PREPL: variants seen among roughly 807,000 people sequenced by gnomAD.
PREPL encodes prolyl endopeptidase-like.
In PREPL, 77 loss-of-function variants were observed where a neutral mutation model predicts 70.6. The observed-to-expected ratio is 1.09, with a 90% CI of 0.91 to 1.32. The LOEUF (loss-of-function observed/expected upper bound fraction) is 1.32. Ranked by LOEUF, PREPL falls within the 40% of genes most tolerant of loss-of-function variation. PREPL has a pLI of 0.00. For missense variants in PREPL, 1,002 were observed against 778.2 expected, an observed-to-expected ratio of 1.29 and a Z score of -3.42; for synonymous variants, 315 against 264.8, an observed-to-expected ratio of 1.19 and a Z score of -1.84.
intron 2 of PREPL, 96 bp downstream of exon 2, chr2:44,346,172 C>T (rs923947592): frequency 4.2e-6 from 5 of 1,196,960 alleles, no homozygotes; most frequent in Non-Finnish European, 4.7e-6. Flanking sequence ...GCAGTATAAT[C>T]TTGATGTGGA....
At chr2:44,344,608 T>A (rs1252786993) in intron 2 of PREPL, 22 bp from the exon 3 acceptor site, 4 of 1,539,736 alleles carry the variant, frequency 2.6e-6, no homozygotes, top group Non-Finnish European at 3.5e-6. Flanking sequence ...AACATGCAGT[T>A]TACTTAATAA....
At chr2:44,358,175 G>T (rs1426061067) in intron 1 of PREPL, among the ~76,000 whole-genome samples, 1 of 152,046 alleles carries the variant, frequency 6.6e-6, no homozygotes, top group Non-Finnish European at 1.5e-5. Context: ...TACAGGAATG[G>T]ATAAACAAAA....
At chr2:44,351,817 A>G (rs1676472897) in intron 1 of PREPL, among the ~76,000 whole-genome samples, 1 of 152,186 alleles carries the variant, frequency 6.6e-6, no homozygotes, top group African/African-American at 2.4e-5. Flanking sequence ...TCTATTTTCA[A>G]CAAAGGAGCT....
At chr2:44,348,313 T>C (rs1331336392) in intron 1 of PREPL, among the ~76,000 whole-genome samples, 2 of 152,222 alleles carry the variant, frequency 1.3e-5, no homozygotes, top group Non-Finnish European at 2.9e-5. Flanking sequence ...TGGTGAGACA[T>C]GATATCTGTA....
chr2:44,359,811 T>A, intron 1 of PREPL: 3 of 836,932 alleles, frequency 3.6e-6, no homozygotes, highest in Non-Finnish European at 5.8e-6. Flanking sequence ...TCAGAGTAAC[T>A]AAGATCAGCA....
At chr2:44,330,587 C>T (rs1673990442) in intron 8 of PREPL, among the ~76,000 whole-genome samples, 1 of 152,024 alleles carries the variant, frequency 6.6e-6, no homozygotes, top group Non-Finnish European at 1.5e-5. Context: ...GTTCAACAAG[C>T]ATGTATTGCT....
In PREPL at chr2:44,332,488, G is replaced by T; in HGVS notation, c.1057C>A (p.Arg353Ser). 1 of 1,614,028 alleles carries T rather than the reference G, an allele frequency of 6.2e-7. No individual in the cohort carries two copies. Among genetic ancestry groups the T allele is most frequent in the East Asian group, 2.2e-5 (1 of 44,854 alleles). ...GHEDPITKTS[R>S]VLRLEAKSKD... ...CTTTTGGCTTCTAGACGTAAAACGC[G>T]ACTAGTCTTTGTGATTGGGTCTTCA... Residue 353 changes from arginine (R) to serine (S), a missense_variant, in exon 8 of 14, where the codon CGC becomes AGC. By Grantham distance (110) the Arg-to-Ser change is moderately radical. Coordinates refer to ENST00000409411, the MANE Select transcript of PREPL (RefSeq NM_001171613.2).
rs1050113979 is a variant in PREPL at position 44,339,226 on chromosome 2, T to C, written c.623A>G (p.His208Arg). 6.8e-6 allele frequency: 11 copies of C among 1,613,976 alleles called. No homozygotes were observed. The African/African-American group carries it at 8.0e-5, about 12-fold the overall frequency. Residue 208 changes from histidine (H) to arginine (R), a missense_variant, in exon 6 of 14, where the codon CAT becomes CGT. His to Arg is a conservative substitution (Grantham distance 29). Coordinates refer to ENST00000409411, the MANE Select transcript of PREPL (RefSeq NM_001171613.2). ...DPPVLIQKRI[H>R]GVLYYVEHRD... ...GTGTTCAACATAGTAAAGGACCCCA[T>C]GTATTCGCTTCTGGATAAGTACTGG...
intron 7 of PREPL, among the ~76,000 whole-genome samples, chr2:44,334,588 C>A (rs547935679): frequency 3.9e-5 from 6 of 152,176 alleles, no homozygotes; most frequent in African/African-American, 1.4e-4. Context: ...CTCTTGCACC[C>A]AGGCTGGAAT....
chr2:44,343,890 G>T lies in PREPL; in HGVS notation c.204C>A (p.Phe68Leu). The change falls in exon 4 of 14, where the codon TTC (phenylalanine) becomes TTA (leucine). Residue 68 changes from phenylalanine (F) to leucine (L), a missense_variant. By Grantham distance (22) the Phe-to-Leu change is conservative. Transcript: ENST00000409411. Reference sequence around the variant, plus strand: ...CTGGAGCAACTCTGATACAATCAATGAAGGGCTGGTCTAACTTAAGTTCCT... The same window carrying T: ...CTGGAGCAACTCTGATACAATCAATTAAGGGCTGGTCTAACTTAAGTTCCT... ...NLEELKLDQP[F>L]IDCIRVAPDE... is the part of the protein sequence containing the mutation. 2 of 1,614,074 alleles carry T rather than the reference G, an allele frequency of 1.2e-6. No homozygotes were observed. Among genetic ancestry groups the T allele is most frequent in the Non-Finnish European group, 1.7e-6 (2 of 1,179,950 alleles).
intron 10 of PREPL, among the ~76,000 whole-genome samples, chr2:44,326,406 A>G (rs1673494335): frequency 6.9e-6 from 1 of 144,966 alleles, no homozygotes; most frequent in African/African-American, 2.6e-5. Flanking sequence ...TTTTTTGACA[A>G]TGTCTCACTC....
intron 1 of PREPL, among the ~76,000 whole-genome samples, 198 bp downstream of exon 1, chr2:44,361,182 G>A (rs1203026900): frequency 6.6e-6 from 1 of 152,206 alleles, no homozygotes; most frequent in Non-Finnish European, 1.5e-5. Flanking sequence ...GTTCTCAGGA[G>A]AACCTATTCG....
At chr2:44,359,460 A>T in intron 1 of PREPL, 1 of 1,392,074 alleles carries the variant, frequency 7.2e-7, no homozygotes, top group Non-Finnish European at 1.0e-6. Flanking sequence ...AATTAATCTT[A>T]ATGACCTACA....
At chr2:44,351,669 T>C (rs185438963) in intron 1 of PREPL, among the ~76,000 whole-genome samples, 1 of 152,326 alleles carries the variant, frequency 6.6e-6, no homozygotes, top group African/African-American at 2.4e-5. Flanking sequence ...ATCCTCTCAA[T>C]TCTACTTTCA....
intron 7 of PREPL, among the ~76,000 whole-genome samples, chr2:44,337,840 C>A (rs1346024497): frequency 6.6e-6 from 1 of 152,208 alleles, no homozygotes; most frequent in Non-Finnish European, 1.5e-5. Context: ...ACCACTGCTA[C>A]TCCTACACTG....
intron 1 of PREPL, among the ~76,000 whole-genome samples, chr2:44,354,475 ACTATCTACATG>A (rs1173111731): frequency 6.6e-6 from 1 of 152,180 alleles, no homozygotes; most frequent in African/African-American, 2.4e-5. Context: ...GGCTTCAACT[ACTATCTACATG>A]TAACAACTCT....
chr2:44,338,644 G>A (rs554581121), intron 6 of PREPL, 108 bp from the exon 7 acceptor site: 18 of 887,422 alleles, frequency 2.0e-5, no homozygotes, highest in African/African-American at 1.9e-4. Flanking sequence ...ACTGTTTTAT[G>A]AAGAGCTGAA....
chr2:44,324,268 TG>T (rs1439690639), intron 10 of PREPL, among the ~76,000 whole-genome samples: 2 of 152,186 alleles, frequency 1.3e-5, no homozygotes, highest in African/African-American at 4.8e-5. Flanking sequence ...AATGGAGAGC[TG>T]TTTAATCGGT....
intron 7 of PREPL, 79 bp downstream of exon 7, chr2:44,338,272 T>C (rs915311142): frequency 9.2e-6 from 12 of 1,306,554 alleles, no homozygotes; most frequent in Non-Finnish European, 1.3e-5. Flanking sequence ...GCTGCCACTA[T>C]TCAAAATGTG....
Sources: allele counts gnomAD v4.1 joint callset (sites outside exome capture counted in the v4.1 genomes callset), GRCh38; gene constraint gnomAD v4.1.1; transcripts MANE v1.5; gene names NCBI Gene and HGNC (gene_info 2026-07-23, HGNC 2026-07-21).